The following CNTN3 variants were observed in gnomAD, a reference collection of about 807,000 sequenced individuals.
CNTN3 encodes the protein contactin 3.
CNTN3 carries 60 observed loss-of-function variants against 119.1 expected under a neutral mutation model. The observed-to-expected ratio is 0.50, with a 90% CI of 0.41 to 0.62. The LOEUF is 0.62. Among genes scored for constraint, CNTN3 ranks in the 20% least tolerant of loss-of-function variants. CNTN3 has a pLI of 0.00. For synonymous variants in CNTN3, 450 were observed against 438.7 expected, an observed-to-expected ratio of 1.03 and a Z score of -0.32; for missense variants, 1,101 against 1,242.4, an observed-to-expected ratio of 0.89 and a Z score of 1.71.
intron 1 of CNTN3, among the ~76,000 whole-genome samples, chr3:74,556,765 G>A (rs79680768): frequency 0.019 from 2,892 of 152,206 alleles, 111 homozygotes; most frequent in African/African-American, 0.067. Context: ...TGCAGTGTAG[G>A]AAAGTTCCAA....
intron 9 of CNTN3, 22 bp from the exon 10 acceptor site, chr3:74,364,618 T>C (rs751008758): frequency 2.5e-6 from 4 of 1,576,292 alleles, no homozygotes; most frequent in South Asian, 2.2e-5. Flanking sequence ...TAAAAATATC[T>C]TTCATATAAA....
intron 20 of CNTN3, among the ~76,000 whole-genome samples, chr3:74,277,609 G>T (rs1701906933): frequency 6.6e-6 from 1 of 151,910 alleles, no homozygotes; most frequent in Non-Finnish European, 1.5e-5. Context: ...GCATACAAGG[G>T]ACATACCTCA....
chr3:74,599,545 A>G (rs1704874172), intron 1 of CNTN3, among the ~76,000 whole-genome samples: 1 of 152,086 alleles, frequency 6.6e-6, no homozygotes, highest in South Asian at 2.1e-4. Context: ...GGAGCATGCC[A>G]CATGTAGATC....
At chr3:74,590,347 A>G (rs1436880944) in intron 1 of CNTN3, among the ~76,000 whole-genome samples, 1 of 152,044 alleles carries the variant, frequency 6.6e-6, no homozygotes, top group Admixed American at 6.6e-5. Flanking sequence ...AAACATATAC[A>G]ACTATAACAC....
At chr3:74,558,078 C>A (rs1007190798) in intron 1 of CNTN3, among the ~76,000 whole-genome samples, 1 of 152,144 alleles carries the variant, frequency 6.6e-6, no homozygotes, top group African/African-American at 2.4e-5. Flanking sequence ...CAGAGTTGCC[C>A]CAAATTGTAT....
intron 5 of CNTN3, among the ~76,000 whole-genome samples, chr3:74,397,003 A>C (rs1366644604): frequency 6.6e-6 from 1 of 152,206 alleles, no homozygotes; most frequent in Non-Finnish European, 1.5e-5. Flanking sequence ...TCTTGGAAGA[A>C]GATGTGATCT....
chr3:74,345,672 C>T (rs777596794), intron 11 of CNTN3, among the ~76,000 whole-genome samples: 3 of 152,150 alleles, frequency 2.0e-5, no homozygotes, highest in Non-Finnish European at 4.4e-5. Context: ...TCACTGTTCT[C>T]TCTGTGGGCA....
intron 1 of CNTN3, among the ~76,000 whole-genome samples, chr3:74,575,613 A>ACACACACG (rs1704402761): frequency 6.7e-6 from 1 of 150,258 alleles, no homozygotes. Flanking sequence ...CCCAACACAC[A>ACACACACG]CACACACACA....
chr3:74,363,454 A>G (rs79425312), intron 10 of CNTN3, among the ~76,000 whole-genome samples: 2,928 of 152,222 alleles, frequency 0.019, 42 homozygotes, highest in Non-Finnish European at 0.029. Flanking sequence ...ACCTCTCCAC[A>G]CCAACCAAAA....
At chr3:74,453,411 T>G (rs1000842680) in intron 4 of CNTN3, among the ~76,000 whole-genome samples, 89 of 152,204 alleles carry the variant, frequency 5.8e-4, no homozygotes, top group Admixed American at 4.3e-3. Context: ...CTCTCTTTTT[T>G]TCTTTATTAG....
intron 5 of CNTN3, among the ~76,000 whole-genome samples, chr3:74,395,445 T>C (rs1705023008): frequency 6.6e-6 from 1 of 151,392 alleles, no homozygotes; most frequent in Non-Finnish European, 1.5e-5. Context: ...CAGACAGGAG[T>C]CTGGCTTCCA....
intron 1 of CNTN3, among the ~76,000 whole-genome samples, chr3:74,557,758 C>CAG (rs1281407465): frequency 1.1e-4 from 16 of 149,910 alleles, no homozygotes; most frequent in Non-Finnish European, 2.1e-4. Context: ...AAATGCCAGT[C>CAG]AGAGAGAGCT....
chr3:74,383,248 A>G (rs35796547), intron 5 of CNTN3, among the ~76,000 whole-genome samples: 61,043 of 152,000 alleles, frequency 0.4, 13,161 homozygotes, highest in East Asian at 0.61. Context: ...TTCTAGTAGT[A>G]GCCATATTCT....
intron 1 of CNTN3, among the ~76,000 whole-genome samples, chr3:74,538,134 A>T (rs1392417537): frequency 6.6e-6 from 1 of 152,126 alleles, no homozygotes; most frequent in Non-Finnish European, 1.5e-5. Context: ...GAAATACAGG[A>T]GGCACAATTT....
At chr3:74,520,052 A>G (rs1180102556) in intron 2 of CNTN3, among the ~76,000 whole-genome samples, 1 of 151,588 alleles carries the variant, frequency 6.6e-6, no homozygotes, top group Non-Finnish European at 1.5e-5. Flanking sequence ...ATTTGGCCTC[A>G]TTCCGCACTC....
intron 10 of CNTN3, 83 bp from the exon 11 acceptor site, chr3:74,362,123 T>C: frequency 6.6e-7 from 1 of 1,504,892 alleles, no homozygotes; most frequent in Admixed American, 2.0e-5. Flanking sequence ...TTTACAGTTT[T>C]AAAAGTTTTC....
At chr3:74,446,256 A>G (rs1319843823) in intron 4 of CNTN3, among the ~76,000 whole-genome samples, 1 of 152,190 alleles carries the variant, frequency 6.6e-6, no homozygotes, top group Non-Finnish European at 1.5e-5. Flanking sequence ...CAACAAAAAT[A>G]GCATATGTGA....
chr3:74,358,407 C>T (rs1703991242), intron 11 of CNTN3, among the ~76,000 whole-genome samples: 1 of 151,094 alleles, frequency 6.6e-6, no homozygotes, highest in Admixed American at 6.6e-5. Flanking sequence ...AAAACACAAT[C>T]TCAATTTTGT....
intron 4 of CNTN3, among the ~76,000 whole-genome samples, chr3:74,449,757 T>C (rs1470340820): frequency 1.3e-5 from 2 of 152,142 alleles, no homozygotes; most frequent in Non-Finnish European, 2.9e-5. Context: ...CACTTGGCAT[T>C]AATTGGTTTT....
Sources: gnomAD v4.1 joint callset for allele counts (sites outside exome capture counted in the v4.1 genomes callset) on GRCh38, gnomAD v4.1.1 for gene constraint, MANE v1.5 for transcripts, NCBI Gene and HGNC (gene_info 2026-07-23, HGNC 2026-07-21) for gene names.